ITSN1: variants seen among roughly 807,000 people sequenced by gnomAD.
ITSN1 encodes the protein intersectin 1.
Under a neutral mutation model 239.8 loss-of-function variants are expected in ITSN1, and 58 were observed. The ratio of observed to expected loss-of-function variants is 0.24; its 90% confidence interval spans 0.20 to 0.30. The LOEUF is 0.30. ITSN1 is among the 10% of genes least tolerant of loss of function. ITSN1 has a pLI of 1.00. For missense variants in ITSN1, 1,558 were observed against 2,103.3 expected, an observed-to-expected ratio of 0.74 and a Z score of 5.07; for synonymous variants, 780 against 770.8, an observed-to-expected ratio of 1.01 and a Z score of -0.20.
chr21:33,875,369 C>T lies in ITSN1; in HGVS notation c.4189C>T (p.Pro1397Ser). 1 of 1,522,336 alleles carries T rather than the reference C, an allele frequency of 6.6e-7. No individual in the cohort carries two copies. Among genetic ancestry groups the T allele is most frequent in the Middle Eastern group, 1.7e-4 (1 of 5,764 alleles). The allele number at this position is 1,522,336 out of a possible 1,614,324, so 94.3% of individuals were successfully genotyped here. Residue 1397 changes from proline to serine, a missense_variant, in exon 34 of 40, where the codon CCT becomes TCT. Pro to Ser is a moderately conservative substitution (Grantham distance 74). Around this residue, in one of 2 missense-constraint regions of ITSN1, gnomAD observed 576 missense variants for 893.3 expected, o/e 0.64. Coordinates refer to ENST00000381318, the MANE Select transcript of ITSN1 (RefSeq NM_003024.3). Reference protein sequence around the residue: ...LIIKNILENTPENHPDHSHLK... With the variant: ...LIIKNILENTSENHPDHSHLK... ...TCCTGTGTAGATCCTGGAAAACACC[C>T]CTGAAAACCACCCGGACCACAGCCA...
intron 1 of ITSN1, among the ~76,000 whole-genome samples, chr21:33,672,419 C>T (rs762143655): frequency 6.6e-6 from 1 of 152,060 alleles, no homozygotes; most frequent in African/African-American, 2.4e-5. Flanking sequence ...AATGAAACCA[C>T]AATGAGGTAC....
intron 1 of ITSN1, among the ~76,000 whole-genome samples, chr21:33,662,463 T>C (rs1443006586): frequency 6.6e-6 from 1 of 152,210 alleles, no homozygotes; most frequent in Admixed American, 6.5e-5. Flanking sequence ...AAATGAAACA[T>C]TTGAGCAAAT....
At chr21:33,761,226 C>T (rs910843694) in intron 8 of ITSN1, among the ~76,000 whole-genome samples, 1 of 151,976 alleles carries the variant, frequency 6.6e-6, no homozygotes, top group South Asian at 2.1e-4. Flanking sequence ...CAGGCTCATG[C>T]CACCATTCCC....
chr21:33,782,046 G>C lies in ITSN1; in HGVS notation c.1737G>C (p.Arg579=). 6.2e-7 allele frequency: 1 copy of C among 1,613,714 alleles called. No individual in the cohort carries two copies. Among genetic ancestry groups the C allele is most frequent in the Non-Finnish European group, 8.5e-7 (1 of 1,179,758 alleles). The change falls in exon 16 of 40, where the codon CGG becomes CGC. Residue 579 remains arginine (R), a synonymous_variant. Transcript: ENST00000381318. The part of the protein sequence containing the change: ...KRALEAKELA[R]QHLRDQLDEV... ...CCTTAGAAGCAAAAGAACTAGCTCG[G>C]CAGCACCTACGAGACCAACTGGATG...
At chr21:33,809,336 A>T (rs186381568) in intron 20 of ITSN1, among the ~76,000 whole-genome samples, 1 of 152,324 alleles carries the variant, frequency 6.6e-6, no homozygotes. Context: ...GACAATAAAG[A>T]TTCCCTAAAG....
intron 34 of ITSN1, among the ~76,000 whole-genome samples, chr21:33,877,059 C>CTTGTTTTTTTTTTTTTTT: frequency 9.4e-6 from 1 of 106,366 alleles, no homozygotes; most frequent in Non-Finnish European, 1.8e-5. Flanking sequence ...CTGTGGGCAC[C>CTTGTTTTTTTTTTTTTTT]TTTTTTTTTT....
At chr21:33,785,735 A>G (rs1055551540) in intron 16 of ITSN1, among the ~76,000 whole-genome samples, 2 of 152,246 alleles carry the variant, frequency 1.3e-5, no homozygotes, top group Non-Finnish European at 2.9e-5. Flanking sequence ...ATGGCTCCAT[A>G]TTCAAAGTCG....
chr21:33,716,809 G>T (rs2065169932), intron 1 of ITSN1, among the ~76,000 whole-genome samples: 1 of 151,684 alleles, frequency 6.6e-6, no homozygotes, highest in Non-Finnish European at 1.5e-5. Context: ...AAAATTAGCC[G>T]GGCATGGTGG....
rs772414887 is a variant in ITSN1, at chr21:33,885,173, G to A, written c.4759+50G>A. 3 of 1,478,496 alleles carry A rather than the reference G, an allele frequency of 2.0e-6. No homozygotes were observed. The African/African-American group carries it at 4.2e-5, about 21-fold the overall frequency. The allele number at this position is 1,478,496 out of a possible 1,614,324, so 91.6% of individuals were successfully genotyped here. On this transcript the variant is annotated intron_variant, in intron 37 of 39. Coordinates refer to ENST00000381318, the MANE Select transcript of ITSN1 (RefSeq NM_003024.3). ...CCTGCACAGCTGGGCAGGAGGGAGGGCCATTTGGCTGGGCTGAAAATCCTC... is the reference window on the plus strand; with the variant it reads ...CCTGCACAGCTGGGCAGGAGGGAGGACCATTTGGCTGGGCTGAAAATCCTC...
chr21:33,722,583 T>G lies in ITSN1; in HGVS notation c.122-5T>G. Reference sequence around the variant, plus strand: ...TTCCTGAAACTTTTTCTGTTTAATTTACAGGTGATCAAGCTAGAAACTTTT... The same window carrying G: ...TTCCTGAAACTTTTTCTGTTTAATTGACAGGTGATCAAGCTAGAAACTTTT... On this transcript the variant is annotated splice_polypyrimidine_tract_variant and splice_region_variant and intron_variant, in intron 3 of 39. Coordinates refer to ENST00000381318, the MANE Select transcript of ITSN1 (RefSeq NM_003024.3). The G allele has an allele frequency of 1.9e-6, 3 of 1,571,596 alleles. No individual in the cohort carries two copies. The Admixed American group carries it at 6.2e-5, about 32-fold the overall frequency.
At chr21:33,771,995 T>C (rs1328097025) in intron 11 of ITSN1, 66 bp from the exon 12 acceptor site, 2 of 1,561,374 alleles carry the variant, frequency 1.3e-6, no homozygotes, top group Non-Finnish European at 1.7e-6. Context: ...CATTGGTGAG[T>C]TTTCCTTTGA....
chr21:33,836,375 T>A, intron 28 of ITSN1, 66 bp from the exon 29 acceptor site: 1 of 1,195,516 alleles, frequency 8.4e-7, no homozygotes, highest in Admixed American at 2.6e-5. Context: ...GTTGAATGGC[T>A]GCGCGGTACC....
chr21:33,804,298 A>G (rs1215368016), intron 20 of ITSN1, among the ~76,000 whole-genome samples: 4 of 152,252 alleles, frequency 2.6e-5, no homozygotes, highest in African/African-American at 7.2e-5. Flanking sequence ...GGTTTTATCC[A>G]AAACTATAAT....
intron 1 of ITSN1, among the ~76,000 whole-genome samples, chr21:33,663,303 A>G (rs1188368653): frequency 2.0e-5 from 3 of 152,252 alleles, no homozygotes; most frequent in African/African-American, 7.2e-5. Context: ...TAGATTTCTT[A>G]TAAGATCTAT....
chr21:33,851,267 C>A (rs1602592429), intron 29 of ITSN1, among the ~76,000 whole-genome samples: 1 of 152,170 alleles, frequency 6.6e-6, no homozygotes, highest in Non-Finnish European at 1.5e-5. Flanking sequence ...GTCTTGACCT[C>A]CCCAGCCATA....
At chr21:33,658,861 A>G (rs962036410) in intron 1 of ITSN1, among the ~76,000 whole-genome samples, 3 of 152,224 alleles carry the variant, frequency 2.0e-5, no homozygotes, top group African/African-American at 7.2e-5. Flanking sequence ...CCTAGCACAT[A>G]GCTTCCAAAA....
chr21:33,764,331 T>C (rs1326840693), intron 9 of ITSN1, among the ~76,000 whole-genome samples: 4 of 152,184 alleles, frequency 2.6e-5, no homozygotes, highest in Admixed American at 1.3e-4. Flanking sequence ...AAACAAGAAT[T>C]TCAGCCACCT....
At chr21:33,740,533 G>C (rs961171398) in intron 5 of ITSN1, among the ~76,000 whole-genome samples, 4 of 152,182 alleles carry the variant, frequency 2.6e-5, no homozygotes, top group Non-Finnish European at 5.9e-5. Flanking sequence ...GTGCTGATTA[G>C]ATTTGATGTG....
chr21:33,842,930 T>A (rs2074874025), intron 29 of ITSN1, among the ~76,000 whole-genome samples: 1 of 152,052 alleles, frequency 6.6e-6, no homozygotes, highest in African/African-American at 2.4e-5. Context: ...TCCTATGCTG[T>A]CCTGTCCCCT....
Sources: allele counts gnomAD v4.1 joint callset (sites outside exome capture counted in the v4.1 genomes callset), GRCh38; gene constraint gnomAD v4.1.1; regional missense constraint gnomAD v4.1.1; transcripts MANE v1.5; gene names NCBI Gene and HGNC (gene_info 2026-07-23, HGNC 2026-07-21).